The following CCDC92 variants were observed in gnomAD, a reference collection of about 807,000 sequenced individuals.
CCDC92 encodes the protein coiled-coil domain-containing protein 92.
In CCDC92, 12 loss-of-function variants were observed where a neutral mutation model predicts 24.9. That is an observed-to-expected ratio of 0.48 (90% CI 0.31 to 0.78). The LOEUF (loss-of-function observed/expected upper bound fraction) is 0.78. Among genes scored for constraint, CCDC92 ranks in the 30% least tolerant of loss-of-function variants. CCDC92 has a pLI of 0.05. For missense variants in CCDC92, 399 were observed against 439.4 expected (o/e 0.91, Z 0.82); for synonymous variants, 193 against 196.3 (o/e 0.98, Z 0.14).
intron 1 of CCDC92, among the ~76,000 whole-genome samples, chr12:123,948,749 C>T (rs1249132687): frequency 6.6e-6 from 1 of 152,214 alleles, no homozygotes; most frequent in Non-Finnish European, 1.5e-5. Flanking sequence ...GCCAGGGAAA[C>T]AAAACACATC....
intron 1 of CCDC92, among the ~76,000 whole-genome samples, chr12:123,950,057 G>A (rs1044227724): frequency 6.6e-6 from 1 of 152,160 alleles, no homozygotes; most frequent in East Asian, 1.9e-4. Flanking sequence ...CCGCCTCTGG[G>A]GAAAAGAGGA....
intron 1 of CCDC92, among the ~76,000 whole-genome samples, chr12:123,961,448 T>C (rs1956269712): frequency 6.6e-6 from 1 of 152,218 alleles, no homozygotes; most frequent in Non-Finnish European, 1.5e-5. Flanking sequence ...AGAAGGAACA[T>C]GAGACCATTA....
rs765796717 is a variant in CCDC92 at position 123,937,037 on chromosome 12, C to T, written c.*21G>A. 28 of 1,612,972 alleles carry T rather than the reference C, an allele frequency of 1.7e-5. No individual in the cohort carries two copies. Among genetic ancestry groups the T allele is most frequent in the Admixed American group, 1.7e-4 (10 of 59,954 alleles). On this transcript the variant is annotated 3_prime_UTR_variant, in exon 5 of 5. Transcript: ENST00000238156. This position sits in a 1 kb window ranked among gnomAD's most constrained non-coding sequence, Gnocchi z 8.4. ...TGGTGCTCACAGTGCATGGACAGCG[C>T]GGGGTGGGGCACGGCGGGCTTCACA... is the stretch of plus-strand genomic sequence containing the variant.
intron 1 of CCDC92, among the ~76,000 whole-genome samples, chr12:123,961,476 AGAT>A (rs1284379500): frequency 6.6e-6 from 1 of 152,244 alleles, no homozygotes; most frequent in African/African-American, 2.4e-5. Context: ...TGATATGGAA[AGAT>A]GATTCTGGGG....
intron 1 of CCDC92, chr12:123,962,650 TAG>T (rs1370515605): frequency 1.3e-5 from 2 of 153,402 alleles, no homozygotes; most frequent in Non-Finnish European, 2.9e-5. Flanking sequence ...GGATGGGGAG[TAG>T]AGAGAGGAAG....
intron 1 of CCDC92, among the ~76,000 whole-genome samples, chr12:123,964,839 A>AT (rs1956354541): frequency 6.6e-6 from 1 of 152,248 alleles, no homozygotes; most frequent in Non-Finnish European, 1.5e-5. Flanking sequence ...ATGTTTCAAG[A>AT]TATCACATTT....
intron 1 of CCDC92, among the ~76,000 whole-genome samples, chr12:123,962,158 GA>G (rs35510464): frequency 0.023 from 3,515 of 149,618 alleles, 58 homozygotes; most frequent in Middle Eastern, 0.048. Context: ...GCTGCTTGTG[GA>G]AAAAAAAAAT....
chr12:123,958,376 T>C (rs1956198933), intron 1 of CCDC92, among the ~76,000 whole-genome samples: 1 of 152,222 alleles, frequency 6.6e-6, no homozygotes, highest in Admixed American at 6.5e-5. Context: ...TTTTAAAGAA[T>C]GGAGGCTCAG....
chr12:123,965,048 C>G (rs185205830), intron 1 of CCDC92, among the ~76,000 whole-genome samples: 60 of 152,182 alleles, frequency 3.9e-4, no homozygotes, highest in Admixed American at 2.0e-4. Flanking sequence ...GCTGCTGGGT[C>G]TTTTTTTGAA....
At chr12:123,949,945 A>G (rs1317128021) in intron 1 of CCDC92, among the ~76,000 whole-genome samples, 1 of 152,242 alleles carries the variant, frequency 6.6e-6, no homozygotes, top group Non-Finnish European at 1.5e-5. Context: ...CCTTCCTCTC[A>G]GGGCATTAAT....
intron 1 of CCDC92, among the ~76,000 whole-genome samples, chr12:123,957,537 A>T (rs1160542271): frequency 6.6e-6 from 1 of 152,204 alleles, no homozygotes; most frequent in Non-Finnish European, 1.5e-5. Flanking sequence ...TAACTGTCCT[A>T]ACACATTCCC....
chr12:123,962,917 GTA>G (rs201844401), intron 1 of CCDC92: 16 of 152,318 alleles, frequency 1.1e-4, no homozygotes, highest in Middle Eastern at 6.8e-3. Context: ...GAGGCAAACT[GTA>G]AGCAGTCGGA....
intron 1 of CCDC92, chr12:123,968,429 A>C (rs1381926111): frequency 6.6e-6 from 1 of 152,194 alleles, no homozygotes; most frequent in Non-Finnish European, 1.5e-5. Flanking sequence ...CTGCTTTCTA[A>C]CTTGCCTTAT....
chr12:123,941,457 C>T (rs1389863840), intron 4 of CCDC92, among the ~76,000 whole-genome samples: 3 of 152,150 alleles, frequency 2.0e-5, no homozygotes, highest in East Asian at 1.9e-4. Context: ...AATCAGTGCT[C>T]GGTAATCCAC....
intron 1 of CCDC92, among the ~76,000 whole-genome samples, chr12:123,953,508 G>A (rs1956077350): frequency 6.6e-6 from 1 of 152,250 alleles, no homozygotes; most frequent in Non-Finnish European, 1.5e-5. Flanking sequence ...GCCAGGCACA[G>A]TGGCTCATGC....
At chr12:123,971,799 C>G (rs1403449854) in intron 1 of CCDC92, 3 of 152,302 alleles carry the variant, frequency 2.0e-5, no homozygotes, top group Non-Finnish European at 2.9e-5. Context: ...TTTGTGCATT[C>G]TGCTCCGTTT....
chr12:123,941,273 G>T (rs896497124), intron 4 of CCDC92, among the ~76,000 whole-genome samples: 1 of 152,192 alleles, frequency 6.6e-6, no homozygotes, highest in Non-Finnish European at 1.5e-5. Context: ...CAGTCCCAGG[G>T]CTTCGGGGGA....
intron 4 of CCDC92, among the ~76,000 whole-genome samples, chr12:123,941,584 T>G (rs2137900253): frequency 6.6e-6 from 1 of 152,346 alleles, no homozygotes; most frequent in South Asian, 2.1e-4. Flanking sequence ...GAGAAGTTCT[T>G]CAAAGTTTCT....
intron 1 of CCDC92, among the ~76,000 whole-genome samples, chr12:123,970,742 CTATT>C (rs1027126191): frequency 6.6e-6 from 1 of 152,234 alleles, no homozygotes; most frequent in Non-Finnish European, 1.5e-5. Flanking sequence ...GTATTAGAAA[CTATT>C]TATGGCTGAC....
Sources: allele counts gnomAD v4.1 joint callset (sites outside exome capture counted in the v4.1 genomes callset), GRCh38; gene constraint gnomAD v4.1.1; non-coding constraint Gnocchi (gnomAD v3.1); transcripts MANE v1.5; gene names NCBI Gene and HGNC (gene_info 2026-07-23, HGNC 2026-07-21).